FANCC: variants seen among roughly 807,000 people sequenced by gnomAD.
The protein encoded by FANCC is FA complementation group C.
A neutral mutation model predicts 71.3 loss-of-function variants in FANCC; 55 were observed. The ratio of observed to expected loss-of-function variants is 0.77; its 90% CI spans 0.62 to 0.97. The LOEUF (loss-of-function observed/expected upper bound fraction) is 0.97. Among genes scored for constraint, FANCC ranks in the 50% least tolerant of loss-of-function variants. FANCC has a pLI of 0.00. For missense variants in FANCC, 678 were observed against 670.9 expected, an observed-to-expected ratio of 1.01 and a Z score of -0.12; for synonymous variants, 275 against 244.9, an observed-to-expected ratio of 1.12 and a Z score of -1.15.
intron 1 of FANCC, among the ~76,000 whole-genome samples, chr9:95,277,714 A>C (rs1833130337): frequency 1.3e-5 from 2 of 152,198 alleles, no homozygotes; most frequent in Non-Finnish European, 2.9e-5. Context: ...AATAAGATTA[A>C]CAGGTGACTT....
At chr9:95,149,602 C>G (rs915558230) in intron 7 of FANCC, among the ~76,000 whole-genome samples, 19 of 152,002 alleles carry the variant, frequency 1.2e-4, no homozygotes, top group African/African-American at 3.4e-4. Context: ...ACTCAGCCCC[C>G]CTAGTAGCTG....
chr9:95,287,121 G>A (rs2136292381), intron 1 of FANCC, among the ~76,000 whole-genome samples: 1 of 152,118 alleles, frequency 6.6e-6, no homozygotes, highest in East Asian at 1.9e-4. Flanking sequence ...ATACAGGTGT[G>A]GAAACTAAGG....
chr9:95,109,341 C>G (rs2134499134), intron 13 of FANCC, among the ~76,000 whole-genome samples: 1 of 152,276 alleles, frequency 6.6e-6, no homozygotes, highest in Admixed American at 6.5e-5. Flanking sequence ...ATGAACAATG[C>G]TGTGCTGAAT....
intron 4 of FANCC, among the ~76,000 whole-genome samples, chr9:95,201,797 C>T (rs1274894257): frequency 2.6e-5 from 4 of 152,188 alleles, no homozygotes; most frequent in African/African-American, 9.7e-5. Flanking sequence ...CTAGCCAAGA[C>T]ACAGAAGGCC....
At chr9:95,170,803 T>C (rs1297862367) in intron 6 of FANCC, among the ~76,000 whole-genome samples, 2 of 151,982 alleles carry the variant, frequency 1.3e-5, no homozygotes, top group Non-Finnish European at 2.9e-5. Context: ...CTTTCTTTTA[T>C]GCTCCCTACT....
chr9:95,272,502 C>A (rs1288860455), intron 1 of FANCC, among the ~76,000 whole-genome samples: 1 of 152,022 alleles, frequency 6.6e-6, no homozygotes, highest in African/African-American at 2.4e-5. Flanking sequence ...TCGAGCCCAG[C>A]CTGGCCAACA....
At chr9:95,159,987 C>T (rs936075043) in intron 6 of FANCC, among the ~76,000 whole-genome samples, 1 of 152,168 alleles carries the variant, frequency 6.6e-6, no homozygotes, top group African/African-American at 2.4e-5. Flanking sequence ...TGCCTGTTCA[C>T]TCTGATGGTA....
rs755283850 is a variant in FANCC at position 95,171,079 on chromosome 9, C to T, written c.521G>A (p.Arg174Gln). 1.2e-5 allele frequency: 20 copies of T among 1,609,608 alleles called. No homozygotes were observed. The highest frequency in any genetic ancestry group is 6.7e-5 in the Admixed American group (4 of 59,972). ...NHLNGFNTQR[R>Q]MAPERVASLS... Reference sequence around the variant, plus strand: ...GAAGGATGTTTAGTTTAACACCTACCGCCTTTGAGTGTTAAATCCATTAAG... The same window carrying T: ...GAAGGATGTTTAGTTTAACACCTACTGCCTTTGAGTGTTAAATCCATTAAG... Residue 174 changes from arginine to glutamine, a missense_variant and splice_region_variant, in exon 6 of 15, where the codon CGA becomes CAA. Physicochemically the swap from Arg to Gln is conservative, Grantham distance 43 (BLOSUM62 1). Coordinates refer to ENST00000289081, the MANE Select transcript of FANCC (RefSeq NM_000136.3).
intron 8 of FANCC, among the ~76,000 whole-genome samples, chr9:95,127,957 T>C (rs1031848919): frequency 6.6e-6 from 1 of 152,260 alleles, no homozygotes; most frequent in African/African-American, 2.4e-5. Flanking sequence ...CTTTAAATAA[T>C]CTATGCTCCC....
chr9:95,217,281 C>T (rs533362237), intron 4 of FANCC, among the ~76,000 whole-genome samples: 2 of 152,100 alleles, frequency 1.3e-5, no homozygotes, highest in Admixed American at 6.5e-5. Flanking sequence ...GTCAGGAGAT[C>T]GAGACCATCC....
chr9:95,109,234 T>G (rs1057278314), intron 13 of FANCC, among the ~76,000 whole-genome samples: 1 of 152,230 alleles, frequency 6.6e-6, no homozygotes, highest in African/African-American at 2.4e-5. Context: ...TTTCATGGTA[T>G]GTAACAGAAT....
Position 95,126,585 on chromosome 9 carries a change from TA to T in FANCC, c.844-5del. On this transcript the variant is annotated splice_region_variant and splice_polypyrimidine_tract_variant and intron_variant, in intron 8 of 14. Transcript: ENST00000289081. ...CAGGGTGGCAGGCTGCTTGAGGCTG[TA>T]AAAGGAGAAGACCATGAGAATGTGA... 1 of 1,614,004 alleles carries T rather than the reference TA, an allele frequency of 6.2e-7. No homozygotes were observed. The highest frequency in any genetic ancestry group is 8.5e-7 in the Non-Finnish European group (1 of 1,179,898).
chr9:95,181,750 T>C (rs1334648085), intron 4 of FANCC, among the ~76,000 whole-genome samples: 4 of 152,256 alleles, frequency 2.6e-5, no homozygotes, highest in African/African-American at 9.6e-5. Flanking sequence ...GGAACCAAGA[T>C]GGCTGTATCT....
intron 1 of FANCC, among the ~76,000 whole-genome samples, chr9:95,278,286 T>C (rs1245714240): frequency 1.3e-5 from 2 of 152,208 alleles, no homozygotes; most frequent in Non-Finnish European, 2.9e-5. Flanking sequence ...TTATGAAGGT[T>C]AGACTTACAA....
chr9:95,181,495 T>C (rs1448437047), intron 4 of FANCC, among the ~76,000 whole-genome samples: 2 of 152,196 alleles, frequency 1.3e-5, no homozygotes, highest in Non-Finnish European at 2.9e-5. Context: ...AGGCATTGGC[T>C]CTTGGACAAA....
chr9:95,247,506 G>A lies in FANCC; in HGVS notation c.176C>T (p.Thr59Ile), dbSNP rs149566909. 51 of 1,612,156 alleles carry A rather than the reference G, an allele frequency of 3.2e-5. No individual in the cohort carries two copies. The highest frequency in any genetic ancestry group is 4.3e-5 in the Non-Finnish European group (51 of 1,178,578). The change falls in exon 3 of 15, where the codon ACA becomes ATA. Residue 59 changes from threonine (T) to isoleucine (I), a missense_variant. Coordinates refer to ENST00000289081, the MANE Select transcript of FANCC (RefSeq NM_000136.3). ...AATTGTGGGGAATCTTTCAATGACT[G>A]TATTAGAATCCTGTGAAAGAAAAAT... Reference protein sequence around the residue: ...YEALKEMDSNTVIERFPTIGQ... With the variant: ...YEALKEMDSNIVIERFPTIGQ...
intron 1 of FANCC, among the ~76,000 whole-genome samples, chr9:95,315,693 T>C (rs1835698446): frequency 6.6e-6 from 1 of 152,208 alleles, no homozygotes; most frequent in Admixed American, 6.5e-5. Flanking sequence ...CTTTTAAAAA[T>C]CATTTGGTGC....
At chr9:95,124,195 C>T (rs1280157115) in intron 10 of FANCC, among the ~76,000 whole-genome samples, 1 of 150,574 alleles carries the variant, frequency 6.6e-6, no homozygotes, top group Non-Finnish European at 1.5e-5. Context: ...TCTGGTGGAG[C>T]CAAGCATTGT....
rs549797053 is a variant in FANCC, at chr9:95,110,744, G to A, written c.1329+719C>T. On this transcript the variant is annotated intron_variant, in intron 13 of 14. Transcript: ENST00000289081. ...CTTTAACTACTAAGATCAGCATAGA[G>A]CACTGGCAGTTGAAGTTTTAAGAAC... 80 of 1,099,218 alleles carry A rather than the reference G, an allele frequency of 7.3e-5. No individual in the cohort carries two copies. In the African/African-American group the frequency reaches 1.2e-3, roughly 16 times the overall value. 68.1% of individuals were successfully genotyped at this position (1,099,218 alleles called of 1,614,324 possible).
Sources: gnomAD v4.1 joint callset for allele counts (sites outside exome capture counted in the v4.1 genomes callset) on GRCh38, gnomAD v4.1.1 for gene constraint, MANE v1.5 for transcripts, NCBI Gene and HGNC (gene_info 2026-07-23, HGNC 2026-07-21) for gene names.